XKR3: variants seen among roughly 807,000 people sequenced by gnomAD.
The protein encoded by XKR3 is XK related 3.
In XKR3, 27 loss-of-function variants were observed where a neutral mutation model predicts 40.3. The ratio of observed to expected loss-of-function variants is 0.67; its 90% CI spans 0.49 to 0.92. XKR3 has a LOEUF of 0.92. Ranked by LOEUF, XKR3 falls within the 40% of genes least tolerant of loss-of-function variation. The probability of loss-of-function intolerance (pLI) is 0.00; values close to 1 mark genes in which losing one functional copy is unlikely to be tolerated. For missense variants in XKR3, 472 were observed against 537.6 expected (o/e 0.88, Z 1.21); for synonymous variants, 193 against 195.4 (o/e 0.99, Z 0.10).
At chr22:16,789,365 C>A (rs1363298014) in intron 3 of XKR3, among the ~76,000 whole-genome samples, 17 of 151,792 alleles carry the variant, frequency 1.1e-4, no homozygotes, top group African/African-American at 4.1e-4. Flanking sequence ...TATACTAATA[C>A]GAAAATGTCT....
chr22:16,799,169 T>A (rs749902285), intron 3 of XKR3, among the ~76,000 whole-genome samples: 19 of 151,958 alleles, frequency 1.3e-4, no homozygotes, highest in Non-Finnish European at 2.6e-4. Flanking sequence ...ATCCCAGTAC[T>A]TTGGGAGGCC....
intron 3 of XKR3, among the ~76,000 whole-genome samples, chr22:16,784,886 A>C (rs2060083321): frequency 1.3e-5 from 2 of 152,240 alleles, no homozygotes; most frequent in South Asian, 4.1e-4. Context: ...ACTGTGTTTT[A>C]GACTATGGTG....
intron 3 of XKR3, among the ~76,000 whole-genome samples, chr22:16,785,722 G>A (rs2060087553): frequency 6.6e-6 from 1 of 151,540 alleles, no homozygotes; most frequent in Non-Finnish European, 1.5e-5. Flanking sequence ...AAATTAGCCG[G>A]GCATAGACCC....
chr22:16,787,824 T>C (rs1161653136), intron 3 of XKR3, among the ~76,000 whole-genome samples: 1 of 151,802 alleles, frequency 6.6e-6, no homozygotes, highest in East Asian at 1.9e-4. Flanking sequence ...TACATATATA[T>C]TTATATGCAT....
chr22:16,788,787 T>C (rs1400565431), intron 3 of XKR3, among the ~76,000 whole-genome samples: 3 of 152,050 alleles, frequency 2.0e-5, no homozygotes, highest in African/African-American at 7.2e-5. Flanking sequence ...AGAAAATCAT[T>C]CATGATTTTC....
At chr22:16,804,747 A>C (rs1207077847) in intron 2 of XKR3, among the ~76,000 whole-genome samples, 1 of 152,176 alleles carries the variant, frequency 6.6e-6, no homozygotes, top group Non-Finnish European at 1.5e-5. Context: ...CCTGGAGTCC[A>C]CCCAACCACC....
intron 3 of XKR3, among the ~76,000 whole-genome samples, chr22:16,798,323 G>A (rs2060151605): frequency 6.6e-6 from 1 of 152,176 alleles, no homozygotes; most frequent in South Asian, 2.1e-4. Context: ...ACCAACACAT[G>A]TTGGGTGAGG....
intron 1 of XKR3, among the ~76,000 whole-genome samples, chr22:16,818,898 G>C (rs2060244660): frequency 6.6e-6 from 1 of 152,064 alleles, no homozygotes; most frequent in Non-Finnish European, 1.5e-5. Flanking sequence ...CTGTCAGTGG[G>C]CTCCACTGGG....
chr22:16,818,955 GA>G (rs1158819681), intron 1 of XKR3, among the ~76,000 whole-genome samples: 2 of 152,094 alleles, frequency 1.3e-5, no homozygotes, highest in African/African-American at 4.8e-5. Flanking sequence ...CTGAACAGTT[GA>G]AATGAATCTA....
At chr22:16,808,202 GGA>G in intron 1 of XKR3, 119 bp from the exon 2 acceptor site, 1 of 689,220 alleles carries the variant, frequency 1.5e-6, no homozygotes, top group Non-Finnish European at 2.3e-6. Flanking sequence ...AGGTAGATAT[GGA>G]TCACTAATCA....
At chr22:16,812,654 G>C (rs775442478) in intron 1 of XKR3, among the ~76,000 whole-genome samples, 7 of 152,178 alleles carry the variant, frequency 4.6e-5, no homozygotes, top group Non-Finnish European at 1.0e-4. Context: ...CAGGCAGGGA[G>C]ACAGAGTGTG....
chr22:16,821,738 C>A (rs2060257007), intron 1 of XKR3: 1 of 152,058 alleles, frequency 6.6e-6, no homozygotes, highest in South Asian at 2.1e-4. Context: ...TAGATTCTAA[C>A]TCTGTAGGCA....
At chr22:16,799,052 T>C (rs2060154880) in intron 3 of XKR3, among the ~76,000 whole-genome samples, 1 of 152,212 alleles carries the variant, frequency 6.6e-6, no homozygotes, top group African/African-American at 2.4e-5. Context: ...ATTTGCCTGG[T>C]GACTTTTATA....
rs746929603 is a variant in XKR3, at chr22:16,784,109, T to A, written c.890A>T (p.Asn297Ile). ...GAHLPGNKEN[N>I]SNMVGTVLML... Reference sequence around the variant, plus strand: ...CAGTACTGTACCCACCATATTGGAATTATTTTCTTTGTTGCCAGGAAGATG... The same window carrying A: ...CAGTACTGTACCCACCATATTGGAAATATTTTCTTTGTTGCCAGGAAGATG... The change falls in exon 4 of 4, where the codon AAT (asparagine) becomes ATT (isoleucine). Residue 297 changes from asparagine (N) to isoleucine (I), a missense_variant. Transcript: ENST00000684488. The A allele has an allele frequency of 4.3e-6, 7 of 1,614,084 alleles. No homozygotes were observed. Among genetic ancestry groups the A allele is most frequent in the Non-Finnish European group, 5.9e-6 (7 of 1,180,054 alleles).
At chr22:16,798,585 AT>A (rs2060152760) in intron 3 of XKR3, among the ~76,000 whole-genome samples, 1 of 152,208 alleles carries the variant, frequency 6.6e-6, no homozygotes, top group African/African-American at 2.4e-5. Context: ...GTGCCCATCA[AT>A]GGTACACTGG....
intron 1 of XKR3, among the ~76,000 whole-genome samples, chr22:16,817,623 C>G (rs1420145694): frequency 6.6e-6 from 1 of 152,098 alleles, no homozygotes; most frequent in Non-Finnish European, 1.5e-5. Context: ...GAAATGGTCT[C>G]TTCCCTGGGA....
intron 3 of XKR3, among the ~76,000 whole-genome samples, chr22:16,790,068 G>T (rs911548956): frequency 2.6e-4 from 39 of 152,264 alleles, no homozygotes; most frequent in African/African-American, 9.4e-4. Flanking sequence ...GAACCTAGGA[G>T]TGCAAGGCTG....
chr22:16,795,061 C>A (rs2146149687), intron 3 of XKR3, among the ~76,000 whole-genome samples: 1 of 152,314 alleles, frequency 6.6e-6, no homozygotes, highest in African/African-American at 2.4e-5. Flanking sequence ...AACTAACACA[C>A]ATCTACAGAA....
At chr22:16,802,269 T>C (rs1008232500) in intron 2 of XKR3, among the ~76,000 whole-genome samples, 7 of 152,204 alleles carry the variant, frequency 4.6e-5, no homozygotes, top group African/African-American at 1.7e-4. Context: ...GAAAACAGTT[T>C]TTCTCCCATC....
Sources: allele counts gnomAD v4.1 joint callset (sites outside exome capture counted in the v4.1 genomes callset), GRCh38; gene constraint gnomAD v4.1.1; transcripts MANE v1.5; gene names NCBI Gene and HGNC (gene_info 2026-07-23, HGNC 2026-07-21).